Variants in JARID2 observed in about 807,000 individuals in gnomAD.
JARID2 encodes the protein jumonji and AT-rich interaction domain containing 2, also known as protein Jumonji.
A neutral mutation model predicts 125.6 loss-of-function variants in JARID2; 21 were observed. The observed-to-expected ratio is 0.17, with a 90% CI of 0.12 to 0.24. The LOEUF (loss-of-function observed/expected upper bound fraction) is 0.24, where lower values mean the gene tolerates loss of function less well. Among genes scored for constraint, JARID2 ranks in the 10% least tolerant of loss-of-function variants. The probability of loss-of-function intolerance (pLI) is 1.00; values close to 1 mark genes in which losing one functional copy is unlikely to be tolerated. For missense variants in JARID2, 1,303 were observed against 1,639.6 expected (o/e 0.79, Z 3.55); for synonymous variants, 736 against 661.6 (o/e 1.11, Z -1.73).
chr6:15,280,321 T>A (rs533291670), intron 1 of JARID2, among the ~76,000 whole-genome samples: 1 of 152,306 alleles, frequency 6.6e-6, no homozygotes, highest in African/African-American at 2.4e-5. Context: ...AGGGCCAAGT[T>A]GAGAAATTAG....
At chr6:15,513,070 C>T (rs377615301) in intron 15 of JARID2, 25 bp downstream of exon 15, 813 of 1,613,692 alleles carry the variant, frequency 5.0e-4, no homozygotes, top group Non-Finnish European at 6.7e-4. Context: ...GAGCCCACGC[C>T]AGAGAGCTGG....
intron 1 of JARID2, among the ~76,000 whole-genome samples, chr6:15,315,562 T>G (rs555314595): frequency 6.6e-6 from 1 of 152,196 alleles, no homozygotes; most frequent in Non-Finnish European, 1.5e-5. Context: ...AGTAGTCACG[T>G]ATCTAGAGTG....
chr6:15,430,672 T>C (rs1285146760), intron 3 of JARID2, among the ~76,000 whole-genome samples: 1 of 152,182 alleles, frequency 6.6e-6, no homozygotes, highest in African/African-American at 2.4e-5. Context: ...AATCTGGTGA[T>C]GAAATCGCTT....
At chr6:15,265,796 C>T (rs1377074294) in intron 1 of JARID2, among the ~76,000 whole-genome samples, 1 of 152,158 alleles carries the variant, frequency 6.6e-6, no homozygotes, top group African/African-American at 2.4e-5. Context: ...CTGGGACCAG[C>T]ATCATGGTCA....
intron 1 of JARID2, among the ~76,000 whole-genome samples, chr6:15,327,528 A>AGTGTGT (rs10577382): frequency 2.2e-4 from 33 of 149,268 alleles, no homozygotes; most frequent in African/African-American, 3.0e-4. Context: ...ATTCTGGAAG[A>AGTGTGT]GTGTGTGTGT....
Position 15,512,993 on chromosome 6 carries a change from A to G in JARID2, c.3214A>G (p.Lys1072Glu). ...LYQIAQAEAK[K>E]ENGPTLSTIS... is the part of the protein sequence containing the mutation. ...CCAGATTGCACAAGCAGAAGCAAAA[A>G]AAGAAAACGGTCCCACTCTCAGTAC... Residue 1072 changes from lysine (K) to glutamate (E), a missense_variant, in exon 15 of 18, where the codon AAA becomes GAA. Coordinates refer to ENST00000341776, the MANE Select transcript of JARID2 (RefSeq NM_004973.4). 1 of 1,614,004 alleles carries G rather than the reference A, an allele frequency of 6.2e-7. No homozygotes were observed. Among genetic ancestry groups the G allele is most frequent in the Non-Finnish European group, 8.5e-7 (1 of 1,180,012 alleles).
At chr6:15,321,983 G>A (rs1445623478) in intron 1 of JARID2, among the ~76,000 whole-genome samples, 2 of 151,824 alleles carry the variant, frequency 1.3e-5, no homozygotes, top group East Asian at 1.9e-4. Context: ...ACTAGAGACG[G>A]GGTTTCACCA....
At chr6:15,406,473 A>G (rs1765656017) in intron 2 of JARID2, among the ~76,000 whole-genome samples, 1 of 152,140 alleles carries the variant, frequency 6.6e-6, no homozygotes, top group Non-Finnish European at 1.5e-5. Flanking sequence ...TTTAATTTGT[A>G]TAAAGGCAGT....
Position 15,497,052 on chromosome 6 carries a change from G to C in JARID2, c.1827G>C (p.Thr609=). 6.2e-7 allele frequency: 1 copy of C among 1,610,074 alleles called. No homozygotes were observed. The highest frequency in any genetic ancestry group is 8.5e-7 in the Non-Finnish European group (1 of 1,178,350). Residue 609 remains threonine, a synonymous_variant, in exon 7 of 18, where the codon ACG becomes ACC. Transcript: ENST00000341776. The stretch of plus-strand genomic sequence containing the variant: ...TCAACGATGAGATGCGGTTTGTCAC[G>C]CAGATTCAGCACATCCACAAGCTGG... ...CKLNDEMRFV[T]QIQHIHKLGR... is the part of the protein sequence containing the mutation.
intron 3 of JARID2, among the ~76,000 whole-genome samples, chr6:15,433,881 T>C (rs1044840061): frequency 3.3e-5 from 5 of 151,752 alleles, no homozygotes; most frequent in African/African-American, 1.2e-4. Context: ...TTAAATTCTT[T>C]TAGGCCCTAA....
chr6:15,322,245 C>T (rs986945911), intron 1 of JARID2, among the ~76,000 whole-genome samples: 1 of 152,132 alleles, frequency 6.6e-6, no homozygotes, highest in African/African-American at 2.4e-5. Context: ...TTTCAAGGAG[C>T]AGTAAGAGTG....
intron 7 of JARID2, among the ~76,000 whole-genome samples, chr6:15,498,731 T>G (rs753150760): frequency 1.3e-5 from 2 of 152,232 alleles, no homozygotes; most frequent in Non-Finnish European, 2.9e-5. Context: ...TCACCTTAAC[T>G]TGCAAGAGTT....
intron 5 of JARID2, among the ~76,000 whole-genome samples, chr6:15,471,707 T>G (rs918891164): frequency 2.0e-5 from 3 of 152,196 alleles, no homozygotes; most frequent in Non-Finnish European, 4.4e-5. Context: ...TTTTTAATGT[T>G]AAGAATCATC....
chr6:15,396,217 T>C (rs1321659509), intron 2 of JARID2, among the ~76,000 whole-genome samples: 1 of 152,224 alleles, frequency 6.6e-6, no homozygotes, highest in Non-Finnish European at 1.5e-5. Flanking sequence ...GCCAACAATA[T>C]ATATTGAACC....
chr6:15,378,950 A>C (rs190998823), intron 2 of JARID2, among the ~76,000 whole-genome samples: 36 of 152,264 alleles, frequency 2.4e-4, no homozygotes, highest in African/African-American at 8.2e-4. Flanking sequence ...TTTGCCCTTC[A>C]TCTGTGTGAA....
At chr6:15,404,519 G>GCGCA (rs1193569035) in intron 2 of JARID2, among the ~76,000 whole-genome samples, 91 of 138,348 alleles carry the variant, frequency 6.6e-4, no homozygotes, top group African/African-American at 2.1e-3. Context: ...ATCTTAAAGT[G>GCGCA]CACACACACA....
At chr6:15,401,231 A>C (rs1438617642) in intron 2 of JARID2, among the ~76,000 whole-genome samples, 1 of 152,048 alleles carries the variant, frequency 6.6e-6, no homozygotes, top group African/African-American at 2.4e-5. Context: ...TTTAGCTTTG[A>C]TATCCTCCCT....
At chr6:15,298,398 G>A (rs573215080) in intron 1 of JARID2, among the ~76,000 whole-genome samples, 1 of 152,098 alleles carries the variant, frequency 6.6e-6, no homozygotes, top group Non-Finnish European at 1.5e-5. Context: ...AATTCCATGG[G>A]TATCTTTTCG....
intron 2 of JARID2, among the ~76,000 whole-genome samples, chr6:15,398,560 T>C (rs1581503931): frequency 6.6e-6 from 1 of 152,216 alleles, no homozygotes; most frequent in Non-Finnish European, 1.5e-5. Flanking sequence ...TATGGCTATT[T>C]ACAACGGAGA....
Sources: allele counts gnomAD v4.1 joint callset (sites outside exome capture counted in the v4.1 genomes callset), GRCh38; gene constraint gnomAD v4.1.1; transcripts MANE v1.5; gene names NCBI Gene and HGNC (gene_info 2026-07-23, HGNC 2026-07-21).